OPCML: variants seen among roughly 807,000 people sequenced by gnomAD.
OPCML encodes opioid binding protein/cell adhesion molecule like, also known as opioid-binding protein/cell adhesion molecule.
OPCML carries 13 observed loss-of-function variants against 37.8 expected under a neutral mutation model. The ratio of observed to expected loss-of-function variants is 0.34; its 90% confidence interval spans 0.22 to 0.55. The LOEUF is 0.55. Ranked by LOEUF, OPCML falls within the 20% of genes least tolerant of loss-of-function variation. The probability of loss-of-function intolerance (pLI) is 0.91; values close to 1 mark genes in which losing one functional copy is unlikely to be tolerated. For synonymous variants in OPCML, 176 were observed against 168.8 expected, an observed-to-expected ratio of 1.04 and a Z score of -0.33; for missense variants, 341 against 435.6, an observed-to-expected ratio of 0.78 and a Z score of 1.93.
At chr11:133,175,657 C>CTTT (rs35382294) in intron 1 of OPCML, among the ~76,000 whole-genome samples, 6 of 142,466 alleles carry the variant, frequency 4.2e-5, no homozygotes, top group African/African-American at 1.3e-4. Context: ...AATTCACTGA[C>CTTT]TTTTTTTTTT....
intron 1 of OPCML, chr11:133,007,966 C>A (rs1947143541): frequency 1.0e-6 from 1 of 985,328 alleles, no homozygotes; most frequent in Non-Finnish European, 1.2e-6. Flanking sequence ...GCAGAGAATT[C>A]CATGAGGACA....
At chr11:132,530,716 C>T (rs971345134) in intron 3 of OPCML, among the ~76,000 whole-genome samples, 1 of 152,084 alleles carries the variant, frequency 6.6e-6, no homozygotes, top group African/African-American at 2.4e-5. Flanking sequence ...TTCTGCATGA[C>T]CTGAGCTCTC....
intron 2 of OPCML, among the ~76,000 whole-genome samples, chr11:132,812,656 A>G (rs1939412373): frequency 6.6e-6 from 1 of 152,170 alleles, no homozygotes; most frequent in South Asian, 2.1e-4. Flanking sequence ...AACTCAGCAA[A>G]TATTCTACTT....
chr11:132,917,083 AT>A (rs1944631939), intron 2 of OPCML, among the ~76,000 whole-genome samples: 1 of 152,282 alleles, frequency 6.6e-6, no homozygotes, highest in Admixed American at 6.5e-5. Context: ...TAACTAATCC[AT>A]CATCTGTGGC....
At chr11:133,170,626 A>C (rs1051773592) in intron 1 of OPCML, among the ~76,000 whole-genome samples, 3 of 152,240 alleles carry the variant, frequency 2.0e-5, no homozygotes, top group African/African-American at 7.2e-5. Context: ...GCAATCAGCT[A>C]AACTTGAGTT....
rs138686734 is a variant in OPCML, at chr11:133,523,167, C to T, written c.61+9097G>A. On this transcript the variant is annotated intron_variant, in intron 1 of 7. Transcript: ENST00000524381. ...CCGAGTTATTCAATTTTAAGCCCTA[C>T]ATTAGACCCAGAGAGGGCACCAGTT... Among the ~76,000 whole-genome samples, 943 of 152,290 alleles carry T rather than the reference C, an allele frequency of 6.2e-3. 9 individuals carry two copies. Among genetic ancestry groups the T allele is most frequent in the African/African-American group, 0.022 (902 of 41,546 alleles).
At chr11:133,238,104 C>G (rs1940592149) in intron 1 of OPCML, among the ~76,000 whole-genome samples, 1 of 152,172 alleles carries the variant, frequency 6.6e-6, no homozygotes. Context: ...AGTAGTATTT[C>G]TGAATCAGTA....
intron 1 of OPCML, among the ~76,000 whole-genome samples, chr11:133,403,624 C>A (rs1945459109): frequency 6.6e-6 from 1 of 152,144 alleles, no homozygotes; most frequent in Non-Finnish European, 1.5e-5. Context: ...TTATGGCGAC[C>A]TCCTTTCCAT....
At chr11:132,653,504 A>C (rs1055727812) in intron 3 of OPCML, among the ~76,000 whole-genome samples, 3 of 152,166 alleles carry the variant, frequency 2.0e-5, no homozygotes, top group African/African-American at 7.2e-5. Context: ...CTCCACACTG[A>C]GGTGTGCAGC....
At chr11:133,486,182 A>T (rs1947522217) in intron 1 of OPCML, among the ~76,000 whole-genome samples, 1 of 152,194 alleles carries the variant, frequency 6.6e-6, no homozygotes, top group Non-Finnish European at 1.5e-5. Context: ...TTTCTCTAGG[A>T]GCAATGGTTT....
At chr11:133,480,143 C>A (rs1947342635) in intron 1 of OPCML, among the ~76,000 whole-genome samples, 1 of 152,228 alleles carries the variant, frequency 6.6e-6, no homozygotes, top group South Asian at 2.1e-4. Context: ...CCTTCCCTTC[C>A]CTTGATCGGA....
chr11:133,311,282 G>T (rs1943061948), intron 1 of OPCML, among the ~76,000 whole-genome samples: 1 of 152,198 alleles, frequency 6.6e-6, no homozygotes, highest in African/African-American at 2.4e-5. Flanking sequence ...GGGAAGAGAG[G>T]TGGTTTACTA....
At chr11:132,991,971 G>C (rs986556449) in intron 1 of OPCML, among the ~76,000 whole-genome samples, 2 of 151,784 alleles carry the variant, frequency 1.3e-5, no homozygotes, top group African/African-American at 4.8e-5. Context: ...GCAGGATATG[G>C]TATATATTAG....
chr11:133,015,739 C>T (rs376223348), intron 1 of OPCML, among the ~76,000 whole-genome samples: 1 of 152,242 alleles, frequency 6.6e-6, no homozygotes, highest in Non-Finnish European at 1.5e-5. Context: ...CTCTGGTCAC[C>T]GTTCATGTAT....
chr11:132,769,967 G>A (rs529967457), intron 2 of OPCML, among the ~76,000 whole-genome samples: 12 of 152,266 alleles, frequency 7.9e-5, no homozygotes, highest in African/African-American at 2.6e-4. Flanking sequence ...AGACTGGAAG[G>A]AATGCTCTGC....
chr11:132,548,243 A>G (rs1001198872), intron 3 of OPCML, among the ~76,000 whole-genome samples: 1 of 152,154 alleles, frequency 6.6e-6, no homozygotes, highest in Non-Finnish European at 1.5e-5. Flanking sequence ...AATGGGACTA[A>G]AGAGACTAGA....
intron 1 of OPCML, among the ~76,000 whole-genome samples, chr11:132,989,614 TGTGTGTGTGTGTGTGTG>T (rs1337292326): frequency 2.2e-5 from 2 of 89,280 alleles, no homozygotes; most frequent in African/African-American, 9.5e-5. Context: ...TGTGTGTGTG[TGTGTGTGTGTGTGTGTG>T]TGTGTGTGTG....
intron 1 of OPCML, among the ~76,000 whole-genome samples, chr11:133,372,219 C>T (rs1944690729): frequency 6.6e-6 from 1 of 152,056 alleles, no homozygotes; most frequent in South Asian, 2.1e-4. Context: ...ATACTCAAAG[C>T]GATGGTCACC....
chr11:132,657,700 C>CAAATA (rs1050830193), intron 2 of OPCML, among the ~76,000 whole-genome samples: 1 of 152,136 alleles, frequency 6.6e-6, no homozygotes, highest in African/African-American at 2.4e-5. Context: ...ATCAGCATTT[C>CAAATA]AAATAGGTCA....
Sources: gnomAD v4.1 joint callset for allele counts (sites outside exome capture counted in the v4.1 genomes callset) on GRCh38, gnomAD v4.1.1 for gene constraint, MANE v1.5 for transcripts, NCBI Gene and HGNC (gene_info 2026-07-23, HGNC 2026-07-21) for gene names.